The following CPNE2 variants were observed in gnomAD, a reference collection of about 807,000 sequenced individuals.
CPNE2 encodes copine 2, also known as copine-2.
Under a neutral mutation model 69.7 loss-of-function variants are expected in CPNE2, and 42 were observed. The ratio of observed to expected loss-of-function variants is 0.60; its 90% CI spans 0.47 to 0.78. CPNE2 has a LOEUF of 0.78. Ranked by LOEUF, CPNE2 falls within the 30% of genes least tolerant of loss-of-function variation. CPNE2 has a pLI of 0.00. For synonymous variants in CPNE2, 294 were observed against 289.8 expected (o/e 1.01, Z -0.15); for missense variants, 587 against 732.0 (o/e 0.80, Z 2.29).
intron 10 of CPNE2, chr16:57,125,628 CAT>C: frequency 1.8e-6 from 1 of 568,828 alleles, no homozygotes; most frequent in Non-Finnish European, 3.1e-6. Context: ...TCTCTTATGT[CAT>C]CACATCTAGG....
chr16:57,126,845 C>T (rs1208665874), intron 11 of CPNE2, among the ~76,000 whole-genome samples: 1 of 152,166 alleles, frequency 6.6e-6, no homozygotes, highest in Non-Finnish European at 1.5e-5. Context: ...AGCCCATCAC[C>T]GAGCTGTCTA....
Position 57,111,360 on chromosome 16 carries a change from G to A in CPNE2, c.180+438G>A, listed in dbSNP as rs540908028. 3.9e-3 allele frequency among the ~76,000 whole-genome samples: 587 copies of A among 152,108 alleles called. 4 individuals carry two copies. The highest frequency in any genetic ancestry group is 0.013 in the African/African-American group (544 of 41,512). On this transcript the variant is annotated intron_variant, in intron 2 of 15. Transcript: ENST00000290776. Reference sequence around the variant, plus strand: ...CCAGCTAATTTTTGTATTTTTAGTAGAGACATGGGTTTTCGCCATGTTGGC... The same window carrying A: ...CCAGCTAATTTTTGTATTTTTAGTAAAGACATGGGTTTTCGCCATGTTGGC...
intron 13 of CPNE2, among the ~76,000 whole-genome samples, chr16:57,136,484 C>A (rs1246494644): frequency 9.9e-5 from 15 of 152,216 alleles, no homozygotes; most frequent in African/African-American, 3.6e-4. Context: ...CAAGCTTCGC[C>A]AAGCCCCTTC....
intron 14 of CPNE2, chr16:57,141,732 C>T (rs1030838308): frequency 3.3e-5 from 5 of 152,128 alleles, no homozygotes; most frequent in East Asian, 1.9e-4. Context: ...ATCTGTGCGA[C>T]GAGGATAATG....
chr16:57,115,133 C>G (rs1238773345), intron 3 of CPNE2, among the ~76,000 whole-genome samples: 1 of 152,086 alleles, frequency 6.6e-6, no homozygotes, highest in Non-Finnish European at 1.5e-5. Context: ...TATCCTGAGG[C>G]AGGTGGGGTC....
rs769641156 is a variant in CPNE2 at position 57,113,387 on chromosome 16, G to A, written c.280G>A (p.Ala94Thr). 4.0e-5 allele frequency: 64 copies of A among 1,614,018 alleles called. No homozygotes were observed. Among genetic ancestry groups the A allele is most frequent in the Admixed American group, 2.7e-4 (16 of 59,986 alleles). Residue 94 changes from alanine to threonine, a missense_variant, in exon 3 of 16, where the codon GCG (alanine) becomes ACG (threonine). Ala to Thr is a moderately conservative substitution (Grantham distance 58). Transcript: ENST00000290776. The part of the protein sequence containing the change: ...HFEEVQKLKF[A>T]LFDQDKSSMR... ...CGAGGAGGTACAGAAGCTCAAGTTC[G>A]CGCTCTTTGACCAGGACAAGTCCAG...
chr16:57,104,677 T>C (rs1411266157), intron 1 of CPNE2, among the ~76,000 whole-genome samples: 1 of 152,132 alleles, frequency 6.6e-6, no homozygotes, highest in African/African-American at 2.4e-5. Flanking sequence ...CACAGGTACA[T>C]AGACAGATAT....
chr16:57,132,341 C>T (rs140817554), intron 12 of CPNE2, among the ~76,000 whole-genome samples: 7 of 152,242 alleles, frequency 4.6e-5, no homozygotes, highest in African/African-American at 1.4e-4. Flanking sequence ...AGATGAGGAA[C>T]GGGATCTGGG....
intron 13 of CPNE2, among the ~76,000 whole-genome samples, chr16:57,136,544 T>C (rs529400131): frequency 1.5e-3 from 222 of 152,272 alleles, no homozygotes; most frequent in African/African-American, 5.2e-3. Flanking sequence ...AGAGTGTAGA[T>C]TATCAGTCCC....
intron 1 of CPNE2, among the ~76,000 whole-genome samples, chr16:57,095,198 G>A (rs1359268312): frequency 7.9e-5 from 12 of 152,204 alleles, no homozygotes; most frequent in Admixed American, 6.5e-4. Flanking sequence ...GGCTCTGTGG[G>A]AGCTGGGATG....
At position 57,102,246 on chromosome 16, in the gene CPNE2, G is replaced by T. The variant is rs117954777; in HGVS notation, c.-35-8462G>T. ...ATAACAGGAGTGAGCCACCGCACCC[G>T]CTTGGTGCTGCATTTCTAGCAGGCT... is the stretch of plus-strand genomic sequence containing the variant. On this transcript the variant is annotated intron_variant, in intron 1 of 15. Transcript: ENST00000290776. Among the ~76,000 whole-genome samples, 1,288 of 152,194 alleles carry T rather than the reference G, an allele frequency of 8.5e-3. 62 individuals carry two copies. The highest frequency in any genetic ancestry group is 0.071 in the Admixed American group (1,090 of 15,288).
intron 1 of CPNE2, among the ~76,000 whole-genome samples, chr16:57,095,294 C>T (rs915535394): frequency 2.0e-5 from 3 of 152,178 alleles, no homozygotes; most frequent in Non-Finnish European, 2.9e-5. Context: ...GAAGGGAGGA[C>T]ATAGGGGTCC....
intron 8 of CPNE2, 22 bp from the exon 9 acceptor site, chr16:57,121,652 C>T (rs2069762927): frequency 6.2e-7 from 1 of 1,612,404 alleles, no homozygotes; most frequent in Non-Finnish European, 8.5e-7. Flanking sequence ...AGGTGAGTGT[C>T]TCTTTCTTTT....
At chr16:57,098,789 A>G (rs1426247118) in intron 1 of CPNE2, among the ~76,000 whole-genome samples, 1 of 152,146 alleles carries the variant, frequency 6.6e-6, no homozygotes, top group Non-Finnish European at 1.5e-5. Flanking sequence ...GAGCAACGAA[A>G]TGGAAACAGG....
At chr16:57,142,214 A>G (rs1458733063) in intron 14 of CPNE2, 1 of 152,314 alleles carries the variant, frequency 6.6e-6, no homozygotes, top group Non-Finnish European at 1.5e-5. Flanking sequence ...GGAGGCAGGG[A>G]GACTAAGCCT....
intron 3 of CPNE2, among the ~76,000 whole-genome samples, chr16:57,114,597 G>A (rs770068598): frequency 2.0e-5 from 3 of 152,118 alleles, no homozygotes; most frequent in Non-Finnish European, 4.4e-5. Flanking sequence ...CCCCACAGGA[G>A]CAGGACTAGA....
intron 1 of CPNE2, among the ~76,000 whole-genome samples, chr16:57,093,388 G>C (rs1408974763): frequency 6.6e-6 from 1 of 152,216 alleles, no homozygotes; most frequent in African/African-American, 2.4e-5. Flanking sequence ...GTTTAAAGGG[G>C]GTGTGGGGGT....
chr16:57,097,866 G>A (rs557294583), intron 1 of CPNE2, among the ~76,000 whole-genome samples: 56 of 152,340 alleles, frequency 3.7e-4, no homozygotes, highest in African/African-American at 1.3e-3. Context: ...CAGAGTCTCC[G>A]GAGAGCCACA....
chr16:57,101,818 C>T (rs1186658861), intron 1 of CPNE2, among the ~76,000 whole-genome samples: 2 of 152,226 alleles, frequency 1.3e-5, no homozygotes, highest in African/African-American at 4.8e-5. Flanking sequence ...ACTCAGCTAA[C>T]CTGTGATTTG....
Sources: allele counts gnomAD v4.1 joint callset (sites outside exome capture counted in the v4.1 genomes callset), GRCh38; gene constraint gnomAD v4.1.1; transcripts MANE v1.5; gene names NCBI Gene and HGNC (gene_info 2026-07-23, HGNC 2026-07-21).